The following CLEC10A variants were observed in gnomAD, a reference collection of about 807,000 sequenced individuals.
CLEC10A encodes C-type lectin domain containing 10A.
Under a neutral mutation model 42.0 loss-of-function variants are expected in CLEC10A, and 38 were observed. The ratio of observed to expected loss-of-function variants is 0.90; its 90% confidence interval spans 0.70 to 1.18. The LOEUF (loss-of-function observed/expected upper bound fraction) is 1.18, where lower values mean the gene tolerates loss of function less well. Ranked by LOEUF, CLEC10A falls within the 50% of genes most tolerant of loss-of-function variation. The probability of loss-of-function intolerance (pLI) is 0.00; values close to 1 mark genes in which losing one functional copy is unlikely to be tolerated. For missense variants in CLEC10A, 298 were observed against 345.9 expected, an observed-to-expected ratio of 0.86 and a Z score of 1.10; for synonymous variants, 126 against 139.9, an observed-to-expected ratio of 0.90 and a Z score of 0.70.
intron 1 of CLEC10A, among the ~76,000 whole-genome samples, chr17:7,079,310 G>A (rs116946048): frequency 3.9e-5 from 6 of 152,102 alleles, no homozygotes; most frequent in African/African-American, 7.2e-5. Context: ...CGACAGGTGC[G>A]GTGGCTCACG....
rs145297270 is a variant in CLEC10A at position 7,075,515 on chromosome 17, C to G, written c.595-49G>C. The G allele has an allele frequency of 1.6e-5, 23 of 1,481,274 alleles. No individual in the cohort carries two copies. The African/African-American group carries it at 2.6e-4, about 17-fold the overall frequency. 91.8% of individuals were successfully genotyped at this position (1,481,274 alleles called of 1,614,324 possible). ...TGACTTCTTCCCATCCCAGCCAACT[C>G]CTTAAACTAGTGATTCTCAACTTTA... On this transcript the variant is annotated intron_variant, in intron 7 of 8. Transcript: ENST00000416562.
chr17:7,078,979 T>C, intron 1 of CLEC10A, 94 bp from the exon 2 acceptor site: 1 of 669,576 alleles, frequency 1.5e-6, no homozygotes, highest in South Asian at 1.7e-5. Context: ...AGCCCAGGGT[T>C]AAGACGGAAA....
chr17:7,076,183 TCCC>T, intron 5 of CLEC10A, 112 bp from the exon 6 acceptor site: 7 of 1,589,602 alleles, frequency 4.4e-6, no homozygotes, highest in African/African-American at 1.4e-5. Flanking sequence ...GAATGTTCCT[TCCC>T]GCCCCCACCC....
chr17:7,076,097 G>A, intron 5 of CLEC10A, 26 bp from the exon 6 acceptor site: 3 of 1,614,114 alleles, frequency 1.9e-6, no homozygotes, highest in Non-Finnish European at 2.5e-6. Flanking sequence ...ATGGGCAGTG[G>A]GGACAGTGGC....
intron 1 of CLEC10A, among the ~76,000 whole-genome samples, 157 bp from the exon 2 acceptor site, chr17:7,079,042 T>A (rs1226573525): frequency 6.6e-6 from 1 of 151,886 alleles, no homozygotes; most frequent in African/African-American, 2.4e-5. Context: ...AGTTTGGGAG[T>A]GAAACTGGAG....
In CLEC10A at chr17:7,075,096, G is replaced by C. The variant is rs777554621; in HGVS notation, c.828C>G (p.Val276=). The part of the protein sequence containing the change: ...DDVCQRPYHW[V]CEAGLGQTSQ... ...TGGTCTGACCCAGGCCAGCCTCGCA[G>C]ACCCAGTGGTAGGGCCTCTGGCAGA... The change falls in exon 9 of 9, where the codon GTC becomes GTG. Residue 276 remains valine, a synonymous_variant. Coordinates refer to ENST00000416562, the MANE Select transcript of CLEC10A (RefSeq NM_001330070.2). 6.2e-7 allele frequency: 1 copy of C among 1,602,148 alleles called. No individual in the cohort carries two copies. Among genetic ancestry groups the C allele is most frequent in the Non-Finnish European group, 8.5e-7 (1 of 1,176,796 alleles).
At chr17:7,077,023 C>T in intron 3 of CLEC10A, 36 bp from the exon 4 acceptor site, 1 of 1,454,082 alleles carries the variant, frequency 6.9e-7, no homozygotes. Context: ...TGCTGGGATT[C>T]ATCAGGTCCT....
intron 5 of CLEC10A, 100 bp from the exon 6 acceptor site, chr17:7,076,171 G>C (rs1474879115): frequency 6.2e-7 from 1 of 1,609,984 alleles, no homozygotes; most frequent in Non-Finnish European, 8.5e-7. Flanking sequence ...GGCCAAGCCA[G>C]GGAATGTTCC....
At chr17:7,076,563 C>T (rs576376335) in intron 5 of CLEC10A, among the ~76,000 whole-genome samples, 170 bp downstream of exon 5, 3 of 151,986 alleles carry the variant, frequency 2.0e-5, no homozygotes, top group African/African-American at 4.8e-5. Context: ...CCACCCGCCT[C>T]GGCCTCCCAA....
intron 3 of CLEC10A, among the ~76,000 whole-genome samples, 171 bp from the exon 4 acceptor site, chr17:7,077,158 A>G (rs1911810224): frequency 6.6e-6 from 1 of 152,038 alleles, no homozygotes; most frequent in Non-Finnish European, 1.5e-5. Context: ...CAGAGAGGTG[A>G]AGTAATTTGA....
intron 1 of CLEC10A, 59 bp from the exon 2 acceptor site, chr17:7,078,944 G>A (rs1912021960): frequency 1.3e-6 from 1 of 797,968 alleles, no homozygotes; most frequent in Non-Finnish European, 2.2e-6. Flanking sequence ...CGTTGAGTTG[G>A]GAGATGAGGC....
At chr17:7,075,612 G>C in intron 7 of CLEC10A, 119 bp downstream of exon 7, 2 of 1,493,456 alleles carry the variant, frequency 1.3e-6, no homozygotes, top group East Asian at 2.3e-5. Context: ...ATCTCTGAGG[G>C]TGTGGCACAG....
chr17:7,078,199 G>A (rs1911971041), intron 2 of CLEC10A, 86 bp from the exon 3 acceptor site: 4 of 1,020,304 alleles, frequency 3.9e-6, no homozygotes, highest in Admixed American at 4.0e-5. Flanking sequence ...GTCTAGTGAG[G>A]AGGGCTGGGC....
At chr17:7,079,649 G>C (rs1912061717) in intron 1 of CLEC10A, among the ~76,000 whole-genome samples, 1 of 152,138 alleles carries the variant, frequency 6.6e-6, no homozygotes, top group South Asian at 2.1e-4. Flanking sequence ...CTGAGATGAA[G>C]ATAAGGCTGG....
chr17:7,078,719 T>G (rs764760788), intron 2 of CLEC10A, 27 bp downstream of exon 2: 2 of 1,603,086 alleles, frequency 1.2e-6, no homozygotes, highest in Non-Finnish European at 8.5e-7. Context: ...AGAGGGCATT[T>G]TAGGAGAGTT....
Position 7,076,960 on chromosome 17 carries a change from G to T in CLEC10A, c.212C>A (p.Thr71Asn), listed in dbSNP as rs573263594. The part of the protein sequence containing the change: ...QNSKFQRDLV[T>N]LRTDFSNFTS... ...GAAGTTGCTAAAATCTGTTCTCAGGGTCACCAGGTCCCTCTGAAATTTGGA... is the reference window on the plus strand; with the variant it reads ...GAAGTTGCTAAAATCTGTTCTCAGGTTCACCAGGTCCCTCTGAAATTTGGA... Residue 71 changes from threonine to asparagine, a missense_variant, in exon 4 of 9, where the codon ACC (threonine) becomes AAC (asparagine). Coordinates refer to ENST00000416562, the MANE Select transcript of CLEC10A (RefSeq NM_001330070.2). 15 of 1,613,820 alleles carry T rather than the reference G, an allele frequency of 9.3e-6. No individual in the cohort carries two copies. In the Middle Eastern group the frequency reaches 8.2e-4, roughly 89 times the overall value.
At position 7,076,774 on chromosome 17, in the gene CLEC10A, A is replaced by G. The variant is rs1277009862; in HGVS notation, c.311T>C (p.Leu104Pro). Residue 104 changes from leucine (L) to proline (P), a missense_variant, in exon 5 of 9, where the codon CTG becomes CCG. Coordinates refer to ENST00000416562, the MANE Select transcript of CLEC10A (RefSeq NM_001330070.2). ...GSSLEETIASLKAEVEGFKQE... is the reference protein window; with the variant it reads ...GSSLEETIASPKAEVEGFKQE... ...CTTGAAACCCTCCACCTCAGCTTTC[A>G]GAGATGCTATCGTTTCTTCCAAGCT... 6.2e-7 allele frequency: 1 copy of G among 1,613,580 alleles called. No homozygotes were observed. Among genetic ancestry groups the G allele is most frequent in the East Asian group, 2.2e-5 (1 of 44,832 alleles).
chr17:7,074,767 A>C lies in CLEC10A; in HGVS notation c.*287T>G. On this transcript the variant is annotated 3_prime_UTR_variant, in exon 9 of 9. Coordinates refer to ENST00000416562, the MANE Select transcript of CLEC10A (RefSeq NM_001330070.2). ...ATTGCGATCGGAGTGGTAGTCACCT[A>C]GGCATGCATATTTGTCAAAGTCATC... is the stretch of plus-strand genomic sequence containing the variant. 3 of 242,322 alleles carry C rather than the reference A, an allele frequency of 1.2e-5. No homozygotes were observed. Among genetic ancestry groups the C allele is most frequent in the East Asian group, 7.8e-5 (1 of 12,848 alleles). The allele number at this position is 242,322 out of a possible 1,614,324, so 15.0% of individuals were successfully genotyped here. A position where few individuals can be genotyped will look rare whatever the true frequency, so the allele number is the denominator to read the frequency against.
rs769054359 is a variant in CLEC10A at position 7,075,795 on chromosome 17, T to C, written c.530A>G (p.Glu177Gly). The C allele has an allele frequency of 2.5e-5, 40 of 1,614,084 alleles. No homozygotes were observed. The Admixed American group carries it at 6.5e-4, about 26-fold the overall frequency. Residue 177 changes from glutamate (E) to glycine (G), a missense_variant, in exon 7 of 9, where the codon GAG (glutamate) becomes GGG (glycine). This residue lies in a region of CLEC10A where 267 missense variants were observed against 289.5 expected (regional missense o/e 0.92). Transcript: ENST00000416562. ...CTTCAGCTGGCAGTACTTCTCAGCCTCGGCCCAGGACATCCCAGAGTGAGA... is the reference window on the plus strand; with the variant it reads ...CTTCAGCTGGCAGTACTTCTCAGCCCCGGCCCAGGACATCCCAGAGTGAGA... ...WFSHSGMSWA[E>G]AEKYCQLKNA...
Sources: allele counts gnomAD v4.1 joint callset (sites outside exome capture counted in the v4.1 genomes callset), GRCh38; gene constraint gnomAD v4.1.1; regional missense constraint gnomAD v4.1.1; transcripts MANE v1.5; gene names NCBI Gene and HGNC (gene_info 2026-07-23, HGNC 2026-07-21).